OLFM3: variants seen among roughly 807,000 people sequenced by gnomAD.
OLFM3 encodes the protein noelin-3.
In OLFM3, 20 loss-of-function variants were observed where a neutral mutation model predicts 48.6. The ratio of observed to expected loss-of-function variants is 0.41; its 90% CI spans 0.29 to 0.60. The LOEUF is 0.60. Ranked by LOEUF, OLFM3 falls within the 20% of genes least tolerant of loss-of-function variation. The probability of loss-of-function intolerance (pLI) is 0.28; values close to 1 mark genes in which losing one functional copy is unlikely to be tolerated. For synonymous variants in OLFM3, 222 were observed against 198.1 expected (o/e 1.12, Z -1.01); for missense variants, 437 against 544.3 (o/e 0.80, Z 1.96).
intron 2 of OLFM3, among the ~76,000 whole-genome samples, chr1:101,833,619 C>A (rs888008458): frequency 1.4e-4 from 22 of 151,936 alleles, no homozygotes; most frequent in African/African-American, 4.8e-4. Flanking sequence ...CTGGATAATT[C>A]TTTTGGAATT....
At chr1:101,952,727 T>C (rs937860007) in intron 1 of OLFM3, among the ~76,000 whole-genome samples, 1 of 152,116 alleles carries the variant, frequency 6.6e-6, no homozygotes, top group African/African-American at 2.4e-5. Flanking sequence ...GAGCATTCAT[T>C]CCATTGTTCA....
chr1:101,863,076 T>A (rs2100965791), intron 1 of OLFM3, among the ~76,000 whole-genome samples: 1 of 152,102 alleles, frequency 6.6e-6, no homozygotes, highest in South Asian at 2.1e-4. Context: ...TTCTCATGTA[T>A]CAGCCTCCCA....
intron 3 of OLFM3, among the ~76,000 whole-genome samples, chr1:101,826,129 AACAC>A (rs66617960): frequency 0.087 from 11,575 of 132,902 alleles, 470 homozygotes; most frequent in Admixed American, 0.099. Flanking sequence ...ACTTTCGTCA[AACAC>A]ACACACACAC....
At chr1:101,992,821 T>A (rs1351811613) in intron 1 of OLFM3, among the ~76,000 whole-genome samples, 1 of 152,174 alleles carries the variant, frequency 6.6e-6, no homozygotes, top group African/African-American at 2.4e-5. Flanking sequence ...CTGCTTATCA[T>A]GCCTATAGGG....
chr1:101,993,588 C>T (rs1459081582), intron 1 of OLFM3, among the ~76,000 whole-genome samples: 1 of 152,010 alleles, frequency 6.6e-6, no homozygotes, highest in Non-Finnish European at 1.5e-5. Flanking sequence ...TGATATACAT[C>T]TGAGTTTTTC....
At chr1:101,996,347 G>A (rs1283852717) in intron 1 of OLFM3, among the ~76,000 whole-genome samples, 1 of 152,134 alleles carries the variant, frequency 6.6e-6, no homozygotes, top group East Asian at 1.9e-4. Flanking sequence ...ACGCTTCCCT[G>A]CTTTCAACAA....
chr1:101,817,732 A>G (rs75162152), intron 4 of OLFM3, among the ~76,000 whole-genome samples: 4,024 of 152,166 alleles, frequency 0.026, 180 homozygotes, highest in African/African-American at 0.091. Context: ...GAATATGTTT[A>G]TGGACAGAAT....
intron 1 of OLFM3, chr1:101,894,197 T>G (rs1570607056): frequency 6.5e-6 from 1 of 152,746 alleles, no homozygotes; most frequent in Middle Eastern, 1.4e-3. Context: ...GAAGAATAAA[T>G]ACAATTTTTT....
chr1:101,888,893 A>G (rs1466355158), intron 1 of OLFM3, among the ~76,000 whole-genome samples: 1 of 152,232 alleles, frequency 6.6e-6, no homozygotes, highest in African/African-American at 2.4e-5. Context: ...CAACAGACAC[A>G]TGAAAAAATG....
Position 101,967,315 on chromosome 1 carries a change from A to C in OLFM3, c.69+29433T>G, listed in dbSNP as rs1570674474. Among the ~76,000 whole-genome samples, 5 of 136,690 alleles carry C rather than the reference A, an allele frequency of 3.7e-5. No homozygotes were observed. In the South Asian group the frequency reaches 1.2e-3, roughly 33 times the overall value. The allele number at this position is 136,690 out of a possible 152,430, so 89.7% of individuals were successfully genotyped here. A position where few individuals can be genotyped will look rare whatever the true frequency, so the allele number is the denominator to read the frequency against. On this transcript the variant is annotated intron_variant, in intron 1 of 5. Transcript: ENST00000370103. ...ATTTTGGCCAAAAAACAAAAAAAAC[A>C]AATACCATGACCCCTGTGGCTATAA... is the stretch of plus-strand genomic sequence containing the variant.
rs1653588703 is a variant in OLFM3 at position 101,803,448 on chromosome 1, A to C, written c.*790T>G. 6.6e-6 allele frequency: 1 copy of C among 152,068 alleles called. No homozygotes were observed. Among genetic ancestry groups the C allele is most frequent in the South Asian group, 2.1e-4 (1 of 4,830 alleles). The allele number at this position is 152,068 out of a possible 1,614,324, so 9.4% of individuals were successfully genotyped here. On this transcript the variant is annotated 3_prime_UTR_variant, in exon 6 of 6. Transcript: ENST00000370103. ...GCATTCAATGTCAGTGGCCCAAAAA[A>C]CTTGGGGTAAAATAAAGACTCTATG...
At chr1:101,921,620 A>C (rs1659097476) in intron 1 of OLFM3, among the ~76,000 whole-genome samples, 1 of 152,214 alleles carries the variant, frequency 6.6e-6, no homozygotes. Context: ...TCAACTACAG[A>C]GGGGTAAATC....
At chr1:101,907,738 T>C (rs573206073) in intron 1 of OLFM3, among the ~76,000 whole-genome samples, 2 of 152,364 alleles carry the variant, frequency 1.3e-5, no homozygotes, top group East Asian at 3.9e-4. Flanking sequence ...CTAATCAGTC[T>C]GGGATATTTC....
intron 1 of OLFM3, among the ~76,000 whole-genome samples, chr1:101,878,107 T>C (rs1570588562): frequency 6.6e-6 from 1 of 152,010 alleles, no homozygotes; most frequent in East Asian, 1.9e-4. Context: ...TTCATTTTAA[T>C]GCAAGACCTT....
intron 1 of OLFM3, among the ~76,000 whole-genome samples, chr1:101,849,108 T>C (rs1656126270): frequency 6.6e-6 from 1 of 152,250 alleles, no homozygotes; most frequent in South Asian, 2.1e-4. Flanking sequence ...GCGATGTTTA[T>C]GAACAACATA....
intron 1 of OLFM3, among the ~76,000 whole-genome samples, chr1:101,970,738 G>C (rs1409947596): frequency 6.6e-6 from 1 of 152,152 alleles, no homozygotes; most frequent in Non-Finnish European, 1.5e-5. Flanking sequence ...AAGGAGAAAA[G>C]GACCACCCTC....
At chr1:101,860,152 C>T (rs1171656308) in intron 1 of OLFM3, among the ~76,000 whole-genome samples, 1 of 151,966 alleles carries the variant, frequency 6.6e-6, no homozygotes, top group African/African-American at 2.4e-5. Flanking sequence ...TGCCCAGAGG[C>T]ACACATGCTT....
rs138959214 is a variant in OLFM3 at position 101,823,487 on chromosome 1, T to G, written c.592+1539A>C. Among the ~76,000 whole-genome samples, 362 of 151,930 alleles carry G rather than the reference T, an allele frequency of 2.4e-3. 1 individual carries two copies. Among genetic ancestry groups the G allele is most frequent in the African/African-American group, 8.4e-3 (348 of 41,452 alleles). ...CTTATAACAACTCCATGGTAAGACA[T>G]TGTAAGGCACACATGACTGGGACTT... On this transcript the variant is annotated intron_variant, in intron 4 of 5. Coordinates refer to ENST00000370103, the MANE Select transcript of OLFM3 (RefSeq NM_058170.4).
intron 1 of OLFM3, among the ~76,000 whole-genome samples, chr1:101,970,636 T>C (rs1570677666): frequency 2.0e-5 from 3 of 152,350 alleles, no homozygotes; most frequent in Admixed American, 2.0e-4. Context: ...TCTTGTCTTT[T>C]AGATCCTCAC....
Sources: gnomAD v4.1 joint callset for allele counts (sites outside exome capture counted in the v4.1 genomes callset) on GRCh38, gnomAD v4.1.1 for gene constraint, MANE v1.5 for transcripts, NCBI Gene and HGNC (gene_info 2026-07-23, HGNC 2026-07-21) for gene names.